LRRC3B: variants seen among roughly 807,000 people sequenced by gnomAD.
The protein encoded by LRRC3B is leucine rich repeat containing 3B.
Under a neutral mutation model 12.8 loss-of-function variants are expected in LRRC3B, and 2 were observed. The ratio of observed to expected loss-of-function variants is 0.16; its 90% CI spans 0.06 to 0.49. The LOEUF (loss-of-function observed/expected upper bound fraction) is 0.49, where lower values mean the gene tolerates loss of function less well. Among genes scored for constraint, LRRC3B ranks in the 20% least tolerant of loss-of-function variants. The probability of loss-of-function intolerance (pLI) is 0.96; values close to 1 mark genes in which losing one functional copy is unlikely to be tolerated. For synonymous variants in LRRC3B, 132 were observed against 122.0 expected, an observed-to-expected ratio of 1.08 and a Z score of -0.54; for missense variants, 189 against 319.4, an observed-to-expected ratio of 0.59 and a Z score of 3.11.
At chr3:26,668,732 A>G (rs533129105) in intron 1 of LRRC3B, among the ~76,000 whole-genome samples, 13 of 152,354 alleles carry the variant, frequency 8.5e-5, no homozygotes, top group Admixed American at 2.6e-4. Context: ...GAAAATACAG[A>G]AAAGCAAATA....
chr3:26,653,180 G>GA (rs1419746888), intron 1 of LRRC3B, among the ~76,000 whole-genome samples: 1 of 151,798 alleles, frequency 6.6e-6, no homozygotes, highest in Non-Finnish European at 1.5e-5. Flanking sequence ...AAGACTGGAT[G>GA]AAAAAATTCA....
rs372629683 is a variant in LRRC3B at position 26,691,105 on chromosome 3, G to GTGTATCTATATATATA, written c.-160-18407_-160-18406insGTATCTATATATATAT. Among the ~76,000 whole-genome samples, 9 of 84,832 alleles carry GTGTATCTATATATATA rather than the reference G, an allele frequency of 1.1e-4. No homozygotes were observed. The South Asian group carries it at 4.4e-3, about 42-fold the overall frequency. 55.7% of individuals were successfully genotyped at this position (84,832 alleles called of 152,430 possible). On this transcript the variant is annotated intron_variant, in intron 1 of 1. Transcript: ENST00000396641. ...TGTGTGTGTATATGTGTGTGTGTGT[G>GTGTATCTATATATATA]TATATATATATATATATATATATAT...
chr3:26,710,606 C>A lies in LRRC3B; in HGVS notation c.*154C>A, dbSNP rs188194787. Reference sequence around the variant, plus strand: ...ACTGCTGAACTTTTAACAAACACTACAACATAAATAATTTGAGTTTAGGTG... The same window carrying A: ...ACTGCTGAACTTTTAACAAACACTAAAACATAAATAATTTGAGTTTAGGTG... On this transcript the variant is annotated 3_prime_UTR_variant, in exon 2 of 2. Coordinates refer to ENST00000396641, the Ensembl canonical transcript of LRRC3B. 1,190 of 733,384 alleles carry A rather than the reference C, an allele frequency of 1.6e-3. 2 individuals are homozygous for A. Among genetic ancestry groups the A allele is most frequent in the Admixed American group, 2.4e-3 (75 of 31,084 alleles). 45.4% of individuals were successfully genotyped at this position (733,384 alleles called of 1,614,324 possible).
intron 1 of LRRC3B, among the ~76,000 whole-genome samples, chr3:26,683,091 AG>A (rs1700004126): frequency 6.6e-6 from 1 of 152,130 alleles, no homozygotes; most frequent in African/African-American, 2.4e-5. Context: ...TGGGACTTCT[AG>A]GGCACCATTT....
Position 26,660,177 on chromosome 3 carries a change from T to A in LRRC3B, c.-161+36940T>A, listed in dbSNP as rs537723806. ...ATACAGAATTGTGATTAGGAAGGATTGTAGGGGGTTTGCTTGTGTTGCTGT... is the reference window on the plus strand; with the variant it reads ...ATACAGAATTGTGATTAGGAAGGATAGTAGGGGGTTTGCTTGTGTTGCTGT... On this transcript the variant is annotated intron_variant, in intron 1 of 1. Transcript: ENST00000396641. 3.9e-5 allele frequency among the ~76,000 whole-genome samples: 6 copies of A among 152,268 alleles called. No individual in the cohort carries two copies. In the East Asian group the frequency reaches 1.2e-3, roughly 29 times the overall value.
intron 1 of LRRC3B, among the ~76,000 whole-genome samples, chr3:26,659,493 G>C (rs535173833): frequency 6.6e-6 from 1 of 152,154 alleles, no homozygotes; most frequent in African/African-American, 2.4e-5. Flanking sequence ...GTTTATAAGT[G>C]ATATACAGAT....
At chr3:26,686,096 T>C (rs1700082923) in intron 1 of LRRC3B, among the ~76,000 whole-genome samples, 2 of 152,152 alleles carry the variant, frequency 1.3e-5, no homozygotes, top group Admixed American at 1.3e-4. Context: ...CTTTTTTTTT[T>C]CGAGATGGAG....
intron 1 of LRRC3B, among the ~76,000 whole-genome samples, chr3:26,671,500 T>G (rs1033384995): frequency 2.7e-5 from 4 of 147,952 alleles, no homozygotes; most frequent in Admixed American, 2.7e-4. Flanking sequence ...CAAGCAATTC[T>G]CCTGCCTCAG....
At chr3:26,663,484 A>G (rs1699536894) in intron 1 of LRRC3B, among the ~76,000 whole-genome samples, 1 of 152,156 alleles carries the variant, frequency 6.6e-6, no homozygotes, top group African/African-American at 2.4e-5. Flanking sequence ...CCTAAATTGT[A>G]TTTAACTGAA....
intron 1 of LRRC3B, among the ~76,000 whole-genome samples, chr3:26,662,189 C>T (rs79571228): frequency 0.014 from 2,066 of 152,134 alleles, 27 homozygotes; most frequent in Non-Finnish European, 0.023. Context: ...CTAACTTGTC[C>T]TATCTTATTT....
intron 1 of LRRC3B, among the ~76,000 whole-genome samples, chr3:26,660,939 T>A (rs1369108352): frequency 2.0e-5 from 3 of 152,232 alleles, no homozygotes; most frequent in Non-Finnish European, 4.4e-5. Flanking sequence ...ATGGTAAATA[T>A]ATTTTAAAAT....
chr3:26,709,651 G>A lies in LRRC3B; in HGVS notation c.-22G>A, dbSNP rs377145072. 1.4e-5 allele frequency: 23 copies of A among 1,606,590 alleles called. No homozygotes were observed. The highest frequency in any genetic ancestry group is 1.7e-4 in the Middle Eastern group (1 of 6,012). On this transcript the variant is annotated 5_prime_UTR_variant, in exon 2 of 2. It adds an upstream start codon to the 5' untranslated region. Coordinates refer to ENST00000396641, the Ensembl canonical transcript of LRRC3B. ...GTTGGAGTAGATGAGGAATGGGCTC[G>A]TGATTATGCTGACATTCCAGCATGA...
At position 26,689,606 on chromosome 3, in the gene LRRC3B, C is replaced by G. The variant is rs573483734; in HGVS notation, c.-160-19907C>G. On this transcript the variant is annotated intron_variant, in intron 1 of 1. Transcript: ENST00000396641. ...AAGGAGGAGCCGGTAATTAGTGGCT[C>G]ACCCTCTCTCCTGCTCTTTCTCCAT... 5.3e-5 allele frequency among the ~76,000 whole-genome samples: 8 copies of G among 152,300 alleles called. No individual in the cohort carries two copies. In the East Asian group the frequency reaches 1.5e-3, roughly 29 times the overall value.
chr3:26,702,503 T>A (rs902156554), intron 1 of LRRC3B, among the ~76,000 whole-genome samples: 2 of 152,156 alleles, frequency 1.3e-5, no homozygotes, highest in Non-Finnish European at 2.9e-5. Context: ...ATCTCATATT[T>A]GTGGAACGAA....
At chr3:26,687,919 C>T (rs988917041) in intron 1 of LRRC3B, among the ~76,000 whole-genome samples, 1 of 152,232 alleles carries the variant, frequency 6.6e-6, no homozygotes. Flanking sequence ...ACAGCAGCCA[C>T]TGGACAGAAC....
In LRRC3B at chr3:26,707,297, G is replaced by A. The variant is rs535675280; in HGVS notation, c.-160-2216G>A. 1.8e-4 allele frequency among the ~76,000 whole-genome samples: 27 copies of A among 150,524 alleles called. No homozygotes were observed. The South Asian group carries it at 2.5e-3, about 14-fold the overall frequency. ...GGAGAATTGCTGGAACCTGGCAGGCGGAGATTTGCAGTGAGCCGAGATCAC... is the reference window on the plus strand; with the variant it reads ...GGAGAATTGCTGGAACCTGGCAGGCAGAGATTTGCAGTGAGCCGAGATCAC... On this transcript the variant is annotated intron_variant, in intron 1 of 1. Transcript: ENST00000396641.
intron 1 of LRRC3B, among the ~76,000 whole-genome samples, chr3:26,636,887 T>TTCC (rs1491318313): frequency 0.044 from 4,387 of 99,778 alleles, 421 homozygotes; most frequent in East Asian, 0.076. Context: ...CCTTCCTTCC[T>TTCC]TTCTCTCTCT....
At chr3:26,649,552 A>G (rs1382374442) in intron 1 of LRRC3B, among the ~76,000 whole-genome samples, 1 of 152,200 alleles carries the variant, frequency 6.6e-6, no homozygotes, top group Non-Finnish European at 1.5e-5. Flanking sequence ...GATGTTGCCC[A>G]ATATCCTGCA....
rs1029998073 is a variant in LRRC3B, at chr3:26,707,209, A to G, written c.-160-2304A>G. The stretch of plus-strand genomic sequence containing the variant: ...TCTACTAAAAATACAGAAAAAAAAA[A>G]AAAAAAATAGCTGGGCGTGGTGGTG... On this transcript the variant is annotated intron_variant, in intron 1 of 1. Coordinates refer to ENST00000396641, the Ensembl canonical transcript of LRRC3B. 6.6e-4 allele frequency among the ~76,000 whole-genome samples: 99 copies of G among 150,888 alleles called. 1 individual carries two copies. Among genetic ancestry groups the G allele is most frequent in the Non-Finnish European group, 7.7e-4 (52 of 67,620 alleles).
Sources: allele counts gnomAD v4.1 joint callset (sites outside exome capture counted in the v4.1 genomes callset), GRCh38; gene constraint gnomAD v4.1.1; transcripts MANE v1.5; gene names NCBI Gene and HGNC (gene_info 2026-07-23, HGNC 2026-07-21).